PPP1R1C: variants seen among roughly 807,000 people sequenced by gnomAD.
The protein encoded by PPP1R1C is protein phosphatase 1 regulatory inhibitor subunit 1C.
PPP1R1C carries 15 observed loss-of-function variants against 17.4 expected under a neutral mutation model. That is an observed-to-expected ratio of 0.86 (90% CI 0.58 to 1.33). The LOEUF (loss-of-function observed/expected upper bound fraction) is 1.33. PPP1R1C is among the 40% of genes most tolerant of loss of function. The pLI is 0.00. For missense variants in PPP1R1C, 143 were observed against 130.0 expected, an observed-to-expected ratio of 1.10 and a Z score of -0.48; for synonymous variants, 35 against 43.1, an observed-to-expected ratio of 0.81 and a Z score of 0.73.
chr2:182,013,868 T>C (rs1686164451), intron 2 of PPP1R1C, among the ~76,000 whole-genome samples: 1 of 152,322 alleles, frequency 6.6e-6, no homozygotes, highest in African/African-American at 2.4e-5. Context: ...AGCTCTAGAA[T>C]TTCTGCTTAA....
intron 1 of PPP1R1C, among the ~76,000 whole-genome samples, chr2:181,973,694 G>A (rs536862279): frequency 5.3e-5 from 8 of 152,262 alleles, no homozygotes; most frequent in African/African-American, 9.6e-5. Flanking sequence ...TTTCTGTAAC[G>A]CTGTTAGTAC....
intron 2 of PPP1R1C, among the ~76,000 whole-genome samples, chr2:182,038,555 TC>T (rs1313013078): frequency 6.6e-6 from 1 of 152,186 alleles, no homozygotes; most frequent in East Asian, 1.9e-4. Flanking sequence ...GCTGAGGAGA[TC>T]CTGACAAGCC....
At chr2:182,028,010 T>C (rs1291927794) in intron 2 of PPP1R1C, among the ~76,000 whole-genome samples, 1 of 128,128 alleles carries the variant, frequency 7.8e-6, no homozygotes, top group Non-Finnish European at 1.6e-5. Context: ...GAGGTGTTTG[T>C]AGTATTCTCT....
At chr2:182,124,502 CA>C (rs1458806524) in intron 5 of PPP1R1C, among the ~76,000 whole-genome samples, 3 of 151,768 alleles carry the variant, frequency 2.0e-5, no homozygotes, top group Admixed American at 2.0e-4. Context: ...TGGCCATTTT[CA>C]TGATATTGAC....
At chr2:182,088,892 T>A (rs1219740300) in intron 4 of PPP1R1C, among the ~76,000 whole-genome samples, 1 of 152,222 alleles carries the variant, frequency 6.6e-6, no homozygotes, top group Admixed American at 6.5e-5. Flanking sequence ...GCAACATTCC[T>A]TATTCAACAT....
intron 4 of PPP1R1C, among the ~76,000 whole-genome samples, chr2:182,096,213 A>C: frequency 6.6e-6 from 1 of 152,140 alleles, no homozygotes; most frequent in Non-Finnish European, 1.5e-5. Flanking sequence ...AATGGTAAAA[A>C]CGGGGGAATT....
chr2:182,094,134 T>A (rs192882515), intron 4 of PPP1R1C, among the ~76,000 whole-genome samples: 12 of 152,262 alleles, frequency 7.9e-5, no homozygotes, highest in African/African-American at 2.9e-4. Context: ...TGGAGAGGCC[T>A]CACAATCTTG....
In PPP1R1C at chr2:182,071,727, A is replaced by G. The variant is rs188921023; in HGVS notation, c.241+7936A>G. 2.0e-3 allele frequency among the ~76,000 whole-genome samples: 303 copies of G among 152,296 alleles called. 2 individuals are homozygous for G. The highest frequency in any genetic ancestry group is 3.3e-3 in the Non-Finnish European group (225 of 68,018). Reference sequence around the variant, plus strand: ...TATCTGTTCATTTATTTTCATCATTATGGACACATGGATATTCATTTTATA... The same window carrying G: ...TATCTGTTCATTTATTTTCATCATTGTGGACACATGGATATTCATTTTATA... On this transcript the variant is annotated intron_variant, in intron 4 of 4. Transcript: ENST00000682840.
Position 181,961,723 on chromosome 2 carries a change from C to G in PPP1R1C, n.111+7089C>G, listed in dbSNP as rs184386711. On this transcript the variant is annotated intron_variant and non_coding_transcript_variant, in intron 1 of 5. Transcript: ENST00000464264. This position sits in a 1 kb window ranked among gnomAD's most constrained non-coding sequence, Gnocchi z 5.8. ...TCGAGTCAGCTCATCATATTGGGCC[C>G]GGATATCTGCTATGATCTTGGCAAG... The G allele has an allele frequency of 5.9e-6, 5 of 849,952 alleles. No homozygotes were observed. The highest frequency in any genetic ancestry group is 1.0e-5 in the Non-Finnish European group (5 of 499,406). The allele number at this position is 849,952 out of a possible 1,614,324, so 52.7% of individuals were successfully genotyped here. A position where few individuals can be genotyped will look rare whatever the true frequency, so the allele number is the denominator to read the frequency against.
intron 2 of PPP1R1C, among the ~76,000 whole-genome samples, chr2:182,031,794 C>G (rs1686848633): frequency 6.6e-6 from 1 of 152,142 alleles, no homozygotes; most frequent in Non-Finnish European, 1.5e-5. Flanking sequence ...TTTATATATT[C>G]TACTATGAGT....
chr2:181,980,544 G>T (rs1244969031), intron 2 of PPP1R1C, among the ~76,000 whole-genome samples: 1 of 152,166 alleles, frequency 6.6e-6, no homozygotes, highest in African/African-American at 2.4e-5. Context: ...CCCCAAAGTG[G>T]CATCAGTAAA....
At chr2:182,031,229 G>C (rs1388507617) in intron 2 of PPP1R1C, among the ~76,000 whole-genome samples, 1 of 152,160 alleles carries the variant, frequency 6.6e-6, no homozygotes, top group African/African-American at 2.4e-5. Context: ...GGCCATCTTG[G>C]CTCCTCCCCC....
At chr2:182,039,004 A>G (rs1574401703) in intron 2 of PPP1R1C, among the ~76,000 whole-genome samples, 1 of 152,352 alleles carries the variant, frequency 6.6e-6, no homozygotes, top group South Asian at 2.1e-4. Flanking sequence ...AAGTCTGTTA[A>G]GACACACAGA....
chr2:182,090,838 A>G (rs1299426644), intron 4 of PPP1R1C, among the ~76,000 whole-genome samples: 3 of 152,242 alleles, frequency 2.0e-5, no homozygotes, highest in Admixed American at 2.0e-4. Flanking sequence ...CCATTTACAC[A>G]TGTACAGTCT....
chr2:182,078,733 G>T lies in PPP1R1C; in HGVS notation c.241+14942G>T, dbSNP rs1015918015. On this transcript the variant is annotated intron_variant, in intron 4 of 4. Coordinates refer to ENST00000682840, the MANE Select transcript of PPP1R1C (RefSeq NM_001080545.3). ...TTATTTAACCTTTATACTCTTTCTT[G>T]TTCACATCTATAATTTGAAGATAAC... is the stretch of plus-strand genomic sequence containing the variant. Among the ~76,000 whole-genome samples the T allele has an allele frequency of 3.9e-5, 6 of 152,116 alleles. No individual in the cohort carries two copies. In the South Asian group the frequency reaches 1.2e-3, roughly 32 times the overall value.
intron 4 of PPP1R1C, among the ~76,000 whole-genome samples, chr2:182,112,002 C>T (rs1270227541): frequency 6.6e-6 from 1 of 152,128 alleles, no homozygotes; most frequent in Non-Finnish European, 1.5e-5. Flanking sequence ...AAATTACTAT[C>T]CATTGACTCG....
At chr2:182,049,686 T>C (rs1687451876) in intron 2 of PPP1R1C, among the ~76,000 whole-genome samples, 2 of 152,168 alleles carry the variant, frequency 1.3e-5, no homozygotes, top group African/African-American at 4.8e-5. Flanking sequence ...ATTCCAATAA[T>C]AAATTGTGCT....
intron 4 of PPP1R1C, among the ~76,000 whole-genome samples, chr2:182,106,140 T>A (rs1034422018): frequency 1.3e-5 from 2 of 152,166 alleles, no homozygotes; most frequent in Admixed American, 6.5e-5. Context: ...AGGATACAAT[T>A]GATACAGGAG....
chr2:181,999,147 A>G (rs1000793734), intron 2 of PPP1R1C, among the ~76,000 whole-genome samples: 49 of 152,348 alleles, frequency 3.2e-4, no homozygotes, highest in African/African-American at 1.1e-3. Flanking sequence ...AGACAGTTAC[A>G]GAATAAGCAA....
Sources: gnomAD v4.1 joint callset for allele counts (sites outside exome capture counted in the v4.1 genomes callset) on GRCh38, gnomAD v4.1.1 for gene constraint, Gnocchi (gnomAD v3.1) non-coding constraint, MANE v1.5 for transcripts, NCBI Gene and HGNC (gene_info 2026-07-23, HGNC 2026-07-21) for gene names.